GRIK4: variants seen among roughly 807,000 people sequenced by gnomAD.
The protein encoded by GRIK4 is glutamate receptor ionotropic, kainate 4.
In GRIK4, 40 loss-of-function variants were observed where a neutral mutation model predicts 104.9. That is an observed-to-expected ratio of 0.38 (90% CI 0.30 to 0.50). GRIK4 has a LOEUF of 0.50. GRIK4 is among the 20% of genes least tolerant of loss of function. GRIK4 has a pLI of 0.93. For missense variants in GRIK4, 1,047 were observed against 1,308.1 expected (o/e 0.80, Z 3.08); for synonymous variants, 485 against 524.9 (o/e 0.92, Z 1.04).
At chr11:120,552,405 A>G (rs1417569862) in intron 1 of GRIK4, among the ~76,000 whole-genome samples, 2 of 152,250 alleles carry the variant, frequency 1.3e-5, no homozygotes, top group East Asian at 3.9e-4. Flanking sequence ...GCTTTCCCCA[A>G]CACCTTGTTT....
intron 6 of GRIK4, 131 bp downstream of exon 6, chr11:120,820,051 A>G (rs969508311): frequency 2.8e-5 from 22 of 779,436 alleles, no homozygotes; most frequent in Non-Finnish European, 4.1e-5. Flanking sequence ...CTGATAACCA[A>G]TGGGTTTGGG....
chr11:120,766,661 G>A (rs904559536), intron 3 of GRIK4, among the ~76,000 whole-genome samples: 13 of 152,032 alleles, frequency 8.6e-5, no homozygotes, highest in East Asian at 1.9e-4. Context: ...AAATATCACC[G>A]TCCCTCACAG....
intron 8 of GRIK4, among the ~76,000 whole-genome samples, chr11:120,848,540 C>T (rs573297483): frequency 6.6e-6 from 1 of 152,244 alleles, no homozygotes; most frequent in South Asian, 2.1e-4. Context: ...AGAAGAATCA[C>T]CCCAAGCTGC....
At chr11:120,679,385 G>A (rs967207071) in intron 3 of GRIK4, among the ~76,000 whole-genome samples, 1 of 152,200 alleles carries the variant, frequency 6.6e-6, no homozygotes, top group Non-Finnish European at 1.5e-5. Context: ...TGCCCCCGGA[G>A]CCCAGGAAAG....
intron 1 of GRIK4, among the ~76,000 whole-genome samples, chr11:120,647,943 C>T (rs1032938701): frequency 2.0e-5 from 3 of 152,220 alleles, no homozygotes; most frequent in African/African-American, 7.2e-5. Context: ...GGTATGCTGG[C>T]GCAGTGCCAT....
intron 3 of GRIK4, among the ~76,000 whole-genome samples, chr11:120,801,972 G>C (rs940529224): frequency 1.3e-5 from 2 of 152,226 alleles, no homozygotes; most frequent in African/African-American, 4.8e-5. Flanking sequence ...ACTGCTCCCA[G>C]AAGTTGGGCA....
chr11:120,650,795 G>T (rs7128690), intron 1 of GRIK4, among the ~76,000 whole-genome samples: 6,030 of 152,228 alleles, frequency 0.04, 215 homozygotes, highest in African/African-American at 0.088. Flanking sequence ...TGCTTTGACC[G>T]GTCTTGGGTA....
intron 3 of GRIK4, among the ~76,000 whole-genome samples, chr11:120,765,131 A>G (rs1187040821): frequency 6.6e-6 from 1 of 151,516 alleles, no homozygotes; most frequent in Non-Finnish European, 1.5e-5. Context: ...ATAGTCCCAT[A>G]TTTCTTGGAG....
chr11:120,594,493 A>G (rs546938162), intron 1 of GRIK4, among the ~76,000 whole-genome samples: 2 of 152,242 alleles, frequency 1.3e-5, no homozygotes, highest in South Asian at 4.2e-4. Flanking sequence ...TAAATAATAA[A>G]TAAATAAATA....
At chr11:120,584,567 G>A (rs112045171) in intron 1 of GRIK4, among the ~76,000 whole-genome samples, 1 of 152,150 alleles carries the variant, frequency 6.6e-6, no homozygotes, top group African/African-American at 2.4e-5. Context: ...CAGATCTCAT[G>A]AGAACTCACT....
At chr11:120,600,485 C>A (rs1403408474) in intron 1 of GRIK4, among the ~76,000 whole-genome samples, 1 of 152,194 alleles carries the variant, frequency 6.6e-6, no homozygotes, top group African/African-American at 2.4e-5. Flanking sequence ...CTGGGCCTCC[C>A]AGCAAAGCCC....
chr11:120,574,538 A>G (rs1948452650), intron 1 of GRIK4, among the ~76,000 whole-genome samples: 1 of 152,140 alleles, frequency 6.6e-6, no homozygotes, highest in Non-Finnish European at 1.5e-5. Flanking sequence ...TCCTTTGGGA[A>G]GGCCAACACC....
At chr11:120,661,757 A>T (rs1013694581) in intron 3 of GRIK4, among the ~76,000 whole-genome samples, 1 of 152,074 alleles carries the variant, frequency 6.6e-6, no homozygotes, top group Non-Finnish European at 1.5e-5. Context: ...AGAGGAGCTG[A>T]TTGGAATCAG....
intron 4 of GRIK4, among the ~76,000 whole-genome samples, chr11:120,813,021 G>A (rs1313734710): frequency 6.6e-6 from 1 of 152,208 alleles, no homozygotes; most frequent in Non-Finnish European, 1.5e-5. Context: ...AACAAGTGCT[G>A]CAGAAAGAGA....
intron 3 of GRIK4, among the ~76,000 whole-genome samples, chr11:120,672,041 T>C (rs144308054): frequency 0.014 from 2,132 of 152,272 alleles, 47 homozygotes; most frequent in African/African-American, 0.048. Context: ...TGTAGTATAG[T>C]TTGAAGTCAC....
At chr11:120,972,215 T>C (rs1342112431) in intron 19 of GRIK4, among the ~76,000 whole-genome samples, 2 of 152,130 alleles carry the variant, frequency 1.3e-5, no homozygotes, top group Non-Finnish European at 2.9e-5. Context: ...TGCCCTGGAC[T>C]GGGTTTGGGA....
At chr11:120,821,184 A>G (rs1226532583) in intron 6 of GRIK4, among the ~76,000 whole-genome samples, 1 of 152,258 alleles carries the variant, frequency 6.6e-6, no homozygotes, top group Admixed American at 6.5e-5. Flanking sequence ...TGATCTGAGA[A>G]GGCCCAGAGT....
chr11:120,517,657 C>T (rs1222907534), intron 1 of GRIK4, among the ~76,000 whole-genome samples: 2 of 128,806 alleles, frequency 1.6e-5, no homozygotes, highest in Admixed American at 7.3e-5. Context: ...AATAGAAGGC[C>T]GGGCTAGGAT....
chr11:120,565,711 C>G (rs1948313134), intron 1 of GRIK4, among the ~76,000 whole-genome samples: 1 of 152,234 alleles, frequency 6.6e-6, no homozygotes. Context: ...CAGGGTCTGG[C>G]TGCAGGCTTT....
Sources: gnomAD v4.1 joint callset for allele counts (sites outside exome capture counted in the v4.1 genomes callset) on GRCh38, gnomAD v4.1.1 for gene constraint, MANE v1.5 for transcripts, NCBI Gene and HGNC (gene_info 2026-07-23, HGNC 2026-07-21) for gene names.